Variants in DGKB observed in about 807,000 individuals in gnomAD.
DGKB encodes the protein diacylglycerol kinase beta, also known as 90 kDa diacylglycerol kinase.
DGKB carries 67 observed loss-of-function variants against 114.3 expected under a neutral mutation model. The observed-to-expected ratio is 0.59, with a 90% CI of 0.48 to 0.72. The LOEUF (loss-of-function observed/expected upper bound fraction) is 0.72, where lower values mean the gene tolerates loss of function less well. Ranked by LOEUF, DGKB falls within the 30% of genes least tolerant of loss-of-function variation. The probability of loss-of-function intolerance (pLI) is 0.00; values close to 1 mark genes in which losing one functional copy is unlikely to be tolerated. For missense variants in DGKB, 907 were observed against 975.2 expected (o/e 0.93, Z 0.93); for synonymous variants, 398 against 323.1 (o/e 1.23, Z -2.49).
intron 23 of DGKB, among the ~76,000 whole-genome samples, chr7:14,189,848 A>C (rs2128268929): frequency 6.6e-6 from 1 of 152,300 alleles, no homozygotes; most frequent in African/African-American, 2.4e-5. Context: ...CAATTCAACA[A>C]GAGGATATAA....
At chr7:14,556,665 C>T (rs1560480) in intron 20 of DGKB, among the ~76,000 whole-genome samples, 92,707 of 151,912 alleles carry the variant, frequency 0.61, 28,389 homozygotes, top group African/African-American at 0.66. Context: ...AATATTGACC[C>T]GTTTTGGCTT....
At chr7:14,546,041 G>GAC (rs1794230129) in intron 20 of DGKB, among the ~76,000 whole-genome samples, 2 of 152,106 alleles carry the variant, frequency 1.3e-5, no homozygotes, top group Non-Finnish European at 2.9e-5. Flanking sequence ...ATAATCATTA[G>GAC]ACATGTTCTC....
intron 23 of DGKB, among the ~76,000 whole-genome samples, chr7:14,217,067 G>A (rs1256837763): frequency 6.6e-6 from 1 of 152,060 alleles, no homozygotes; most frequent in Non-Finnish European, 1.5e-5. Context: ...TTTATGAATT[G>A]AGAAAGCCAC....
intron 20 of DGKB, among the ~76,000 whole-genome samples, chr7:14,546,402 C>A (rs923089516): frequency 6.6e-6 from 1 of 152,112 alleles, no homozygotes; most frequent in Non-Finnish European, 1.5e-5. Context: ...TCTTCTTTCG[C>A]GTGACTGTAA....
intron 25 of DGKB, among the ~76,000 whole-genome samples, chr7:14,152,327 G>C (rs1194902971): frequency 6.6e-6 from 1 of 151,914 alleles, no homozygotes; most frequent in East Asian, 1.9e-4. Flanking sequence ...AAGGCATTTT[G>C]CAACATGATT....
intron 23 of DGKB, among the ~76,000 whole-genome samples, chr7:14,241,125 G>A (rs924868493): frequency 9.2e-5 from 14 of 152,014 alleles, no homozygotes; most frequent in African/African-American, 1.9e-4. Context: ...ATAAATGTAC[G>A]GCGCTTTCAT....
intron 1 of DGKB, among the ~76,000 whole-genome samples, chr7:14,919,115 C>T (rs1562875527): frequency 1.3e-5 from 2 of 150,806 alleles, no homozygotes; most frequent in Admixed American, 6.6e-5. Context: ...CACACACACA[C>T]ACACACACAA....
chr7:14,907,158 T>C (rs1783754239), upstream of DGKB, among the ~76,000 whole-genome samples: 1 of 152,158 alleles, frequency 6.6e-6, no homozygotes, highest in African/African-American at 2.4e-5. Flanking sequence ...ATGATATTAT[T>C]GCACTCCCCT....
At chr7:14,746,409 G>A (rs1184023811) in intron 4 of DGKB, among the ~76,000 whole-genome samples, 4 of 152,060 alleles carry the variant, frequency 2.6e-5, no homozygotes. Context: ...CATACACTTG[G>A]GCACATAATA....
chr7:14,973,561 T>C (rs1352504182), intron 1 of DGKB, among the ~76,000 whole-genome samples: 1 of 149,606 alleles, frequency 6.7e-6, no homozygotes, highest in Non-Finnish European at 1.5e-5. Context: ...TTTTTGTTTT[T>C]GTGTTAGTTA....
intron 20 of DGKB, among the ~76,000 whole-genome samples, chr7:14,485,158 C>T (rs1783602334): frequency 6.8e-6 from 1 of 147,814 alleles, no homozygotes; most frequent in Non-Finnish European, 1.5e-5. Context: ...TACACACTAT[C>T]CTGAGTTACA....
chr7:14,481,091 T>G (rs544520239), intron 20 of DGKB, among the ~76,000 whole-genome samples: 3 of 152,088 alleles, frequency 2.0e-5, no homozygotes, highest in South Asian at 4.1e-4. Context: ...ATTGTGTTAT[T>G]CAAACAGTAA....
chr7:14,728,521 C>A (rs1830355414), intron 5 of DGKB, among the ~76,000 whole-genome samples: 1 of 152,118 alleles, frequency 6.6e-6, no homozygotes, highest in African/African-American at 2.4e-5. Flanking sequence ...GGGCTTTGAC[C>A]TTGCCAGGCC....
At chr7:14,328,313 T>G (rs1809115259) in intron 23 of DGKB, among the ~76,000 whole-genome samples, 1 of 152,116 alleles carries the variant, frequency 6.6e-6, no homozygotes, top group African/African-American at 2.4e-5. Flanking sequence ...TATTCAATAT[T>G]TTTGAAAATA....
chr7:14,559,953 TTCCC>T (rs902113925), intron 20 of DGKB, among the ~76,000 whole-genome samples: 1 of 151,640 alleles, frequency 6.6e-6, no homozygotes, highest in African/African-American at 2.4e-5. Flanking sequence ...TCCTCTCTTC[TTCCC>T]TCCCTTTCTC....
intron 21 of DGKB, among the ~76,000 whole-genome samples, chr7:14,453,025 G>A (rs755228808): frequency 4.0e-4 from 61 of 152,220 alleles, no homozygotes; most frequent in Middle Eastern, 3.4e-3. Flanking sequence ...GACTGCATGC[G>A]TGTGCATGGA....
At chr7:14,950,588 T>C (rs1296788486) in intron 1 of DGKB, among the ~76,000 whole-genome samples, 1 of 151,982 alleles carries the variant, frequency 6.6e-6, no homozygotes, top group Non-Finnish European at 1.5e-5. Flanking sequence ...AATAGACCTA[T>C]AATAAGGCAA....
intron 23 of DGKB, among the ~76,000 whole-genome samples, chr7:14,257,376 T>C (rs1432313447): frequency 1.3e-5 from 2 of 152,300 alleles, no homozygotes; most frequent in African/African-American, 4.8e-5. Context: ...AATGCCATTC[T>C]TTATTTGGAA....
intron 1 of DGKB, among the ~76,000 whole-genome samples, chr7:14,909,333 A>G (rs1783867309): frequency 6.6e-6 from 1 of 152,170 alleles, no homozygotes; most frequent in African/African-American, 2.4e-5. Flanking sequence ...AGATGCTGAA[A>G]GAGGGGTTGT....
Sources: gnomAD v4.1 joint callset for allele counts (sites outside exome capture counted in the v4.1 genomes callset) on GRCh38, gnomAD v4.1.1 for gene constraint, MANE v1.5 for transcripts, NCBI Gene and HGNC (gene_info 2026-07-23, HGNC 2026-07-21) for gene names.